Variants in SLC8A3 observed in about 807,000 individuals in gnomAD.
SLC8A3 encodes the protein sodium/calcium exchanger 3.
SLC8A3 carries 37 observed loss-of-function variants against 65.4 expected under a neutral mutation model. The ratio of observed to expected loss-of-function variants is 0.57; its 90% CI spans 0.44 to 0.74. The LOEUF is 0.74. Ranked by LOEUF, SLC8A3 falls within the 30% of genes least tolerant of loss-of-function variation. The pLI is 0.00. For synonymous variants in SLC8A3, 461 were observed against 444.5 expected (o/e 1.04, Z -0.47); for missense variants, 1,112 against 1,172.1 (o/e 0.95, Z 0.75).
chr14:70,171,933 G>T (rs1158495887), intron 1 of SLC8A3, among the ~76,000 whole-genome samples: 1 of 152,190 alleles, frequency 6.6e-6, no homozygotes, highest in African/African-American at 2.4e-5. Flanking sequence ...CCAGGAAATG[G>T]TTTCTGGCTG....
At chr14:70,166,608 G>T (rs1897173479) in intron 2 of SLC8A3, 31 bp downstream of exon 2, 11 of 1,259,044 alleles carry the variant, frequency 8.7e-6, no homozygotes, top group Non-Finnish European at 1.2e-5. Flanking sequence ...GATGGGGTCA[G>T]GGAGGGGCAG....
chr14:70,077,210 G>A (rs895714330), intron 2 of SLC8A3, among the ~76,000 whole-genome samples: 4 of 152,148 alleles, frequency 2.6e-5, no homozygotes, highest in African/African-American at 9.7e-5. Context: ...TGCTGGTTTG[G>A]AACCAGGTAG....
chr14:70,172,486 C>A (rs1897610316), intron 1 of SLC8A3, among the ~76,000 whole-genome samples: 1 of 152,148 alleles, frequency 6.6e-6, no homozygotes, highest in African/African-American at 2.4e-5. Context: ...GACTTAGAAG[C>A]AAGGTGACTG....
At chr14:70,139,519 T>A (rs1443306007) in intron 2 of SLC8A3, among the ~76,000 whole-genome samples, 1 of 152,146 alleles carries the variant, frequency 6.6e-6, no homozygotes. Flanking sequence ...GAAGGTCTGC[T>A]GGAGTGTGGA....
chr14:70,172,623 C>T (rs1393817712), intron 1 of SLC8A3, among the ~76,000 whole-genome samples: 1 of 148,998 alleles, frequency 6.7e-6, no homozygotes, highest in Non-Finnish European at 1.5e-5. Flanking sequence ...GTTTGACAAA[C>T]ATTGACAAAA....
At chr14:70,099,773 A>G (rs1892441835) in intron 2 of SLC8A3, among the ~76,000 whole-genome samples, 1 of 152,258 alleles carries the variant, frequency 6.6e-6, no homozygotes, top group Non-Finnish European at 1.5e-5. Context: ...CAGAATTCCC[A>G]GAGTTCTAAG....
chr14:70,082,304 G>T (rs1278590051), intron 2 of SLC8A3, among the ~76,000 whole-genome samples: 2 of 152,126 alleles, frequency 1.3e-5, no homozygotes, highest in African/African-American at 4.8e-5. Context: ...ACCCTACTTA[G>T]CTGAAGCTTT....
intron 2 of SLC8A3, among the ~76,000 whole-genome samples, chr14:70,111,105 G>A (rs2140144676): frequency 6.6e-6 from 1 of 152,290 alleles, no homozygotes; most frequent in South Asian, 2.1e-4. Context: ...TTCCCTGGTG[G>A]TTGTACTAAT....
At chr14:70,126,585 C>T (rs1437402076) in intron 2 of SLC8A3, among the ~76,000 whole-genome samples, 8 of 151,580 alleles carry the variant, frequency 5.3e-5, no homozygotes. Context: ...CACACACACA[C>T]ACACACACAC....
intron 2 of SLC8A3, among the ~76,000 whole-genome samples, chr14:70,061,971 T>C (rs1479365950): frequency 6.6e-6 from 1 of 152,204 alleles, no homozygotes; most frequent in East Asian, 1.9e-4. Context: ...CTCTTTGTCA[T>C]GTGGAGAGGT....
At chr14:70,184,257 C>T (rs973176343) in intron 1 of SLC8A3, among the ~76,000 whole-genome samples, 3 of 152,138 alleles carry the variant, frequency 2.0e-5, no homozygotes, top group Non-Finnish European at 4.4e-5. Context: ...CTCCCACTTT[C>T]CAGTTTCAGT....
In SLC8A3 at chr14:70,046,504, G is replaced by C. The variant is rs1886818331; in HGVS notation, c.2390-181C>G. ...AAGCAAGCCGTGTGGCCCTGGGTAG[G>C]TCACATCCCTAGTCTGGGCTTCCCA... On this transcript the variant is annotated intron_variant, in intron 6 of 6. Transcript: ENST00000356921. This position sits in a 1 kb window ranked among gnomAD's most constrained non-coding sequence, Gnocchi z 4.2. The C allele has an allele frequency of 3.4e-6, 2 of 593,726 alleles. No homozygotes were observed. Among genetic ancestry groups the C allele is most frequent in the East Asian group, 5.5e-5 (2 of 36,044 alleles). 36.8% of individuals were successfully genotyped at this position (593,726 alleles called of 1,614,324 possible).
chr14:70,099,650 A>G (rs1450307574), intron 2 of SLC8A3, among the ~76,000 whole-genome samples: 1 of 152,220 alleles, frequency 6.6e-6, no homozygotes, highest in Non-Finnish European at 1.5e-5. Flanking sequence ...GAAGCATGGC[A>G]GGAAAATGAC....
At chr14:70,048,427 A>T (rs915614871) in intron 6 of SLC8A3, 1 of 581,910 alleles carries the variant, frequency 1.7e-6, no homozygotes, top group Non-Finnish European at 3.0e-6. Flanking sequence ...TTACTTGGGC[A>T]TGTAGCTTAA....
In SLC8A3 at chr14:70,166,738, A is replaced by G; in HGVS notation, c.1685T>C (p.Val562Ala). The G allele has an allele frequency of 6.2e-7, 1 of 1,614,008 alleles. No homozygotes were observed. The highest frequency in any genetic ancestry group is 8.5e-7 in the Non-Finnish European group (1 of 1,179,910). The change falls in exon 2 of 7, where the codon GTC becomes GCC. Residue 562 changes from valine (V) to alanine (A), a missense_variant. Physicochemically the swap from Val to Ala is moderately conservative, Grantham distance 64. Transcript: ENST00000356921. ...VLRTSGARGTVIVPFRTVEGT... is the reference protein window; with the variant it reads ...VLRTSGARGTAIVPFRTVEGT... Reference sequence around the variant, plus strand: ...TTCTACTGTCCTAAAGGGGACGATGACTGTACCCCGGGCACCTGATGTCCG... The same window carrying G: ...TTCTACTGTCCTAAAGGGGACGATGGCTGTACCCCGGGCACCTGATGTCCG...
rs1207786902 is a variant in SLC8A3, at chr14:70,110,694, T to C, written c.1785-49755A>G. Among the ~76,000 whole-genome samples the C allele has an allele frequency of 6.9e-4, 66 of 95,166 alleles. 4 individuals are homozygous for C. 62.4% of individuals were successfully genotyped at this position (95,166 alleles called of 152,430 possible). A position where few individuals can be genotyped will look rare whatever the true frequency, so the allele number is the denominator to read the frequency against. Reference sequence around the variant, plus strand: ...CTTTCTTTTTTTTTTTTTTTTTTTTTTTTTGAGACAGAGTCTCGCTCTTTC... The same window carrying C: ...CTTTCTTTTTTTTTTTTTTTTTTTTCTTTTGAGACAGAGTCTCGCTCTTTC... On this transcript the variant is annotated intron_variant, in intron 2 of 6. Transcript: ENST00000356921.
chr14:70,177,864 A>G (rs1037772098), intron 1 of SLC8A3, among the ~76,000 whole-genome samples: 4 of 152,158 alleles, frequency 2.6e-5, no homozygotes, highest in African/African-American at 9.7e-5. Flanking sequence ...TGGGAACAGG[A>G]TAGGTGAATG....
chr14:70,154,920 CTTT>C (rs60863511), intron 2 of SLC8A3, among the ~76,000 whole-genome samples: 112 of 128,904 alleles, frequency 8.7e-4, no homozygotes, highest in Middle Eastern at 4.3e-3. Flanking sequence ...ATTTATCATT[CTTT>C]TTTTTTTTTT....
At chr14:70,187,110 C>A (rs1225294807) in intron 1 of SLC8A3, 1 of 152,538 alleles carries the variant, frequency 6.6e-6, no homozygotes, top group Admixed American at 6.5e-5. Flanking sequence ...CCCCCCACCC[C>A]CTTCGGGTGT....
Sources: gnomAD v4.1 joint callset for allele counts (sites outside exome capture counted in the v4.1 genomes callset) on GRCh38, gnomAD v4.1.1 for gene constraint, Gnocchi (gnomAD v3.1) non-coding constraint, MANE v1.5 for transcripts, NCBI Gene and HGNC (gene_info 2026-07-23, HGNC 2026-07-21) for gene names.